Variants in FBH1 observed in about 807,000 individuals in gnomAD.
The protein encoded by FBH1 is F-box DNA helicase 1.
In FBH1, 43 loss-of-function variants were observed where a neutral mutation model predicts 115.5. The ratio of observed to expected loss-of-function variants is 0.37; its 90% CI spans 0.29 to 0.48. FBH1 has a LOEUF of 0.48. FBH1 is among the 20% of genes least tolerant of loss of function. The pLI, the probability that FBH1 is intolerant of heterozygous loss-of-function variation, is 0.99. For synonymous variants in FBH1, 524 were observed against 507.8 expected, an observed-to-expected ratio of 1.03 and a Z score of -0.43; for missense variants, 1,001 against 1,337.3, an observed-to-expected ratio of 0.75 and a Z score of 3.92.
chr10:5,926,183 C>T (rs916376977), intron 18 of FBH1, among the ~76,000 whole-genome samples: 7 of 152,132 alleles, frequency 4.6e-5, no homozygotes, highest in African/African-American at 1.4e-4. Flanking sequence ...TGCAGTGGCA[C>T]GATCTCGGCT....
chr10:5,915,263 C>G lies in FBH1; in HGVS notation c.1397-140C>G, dbSNP rs1406763000. 1.2e-6 allele frequency: 1 copy of G among 844,752 alleles called. No individual in the cohort carries two copies. Among genetic ancestry groups the G allele is most frequent in the African/African-American group, 1.7e-5 (1 of 57,436 alleles). 52.3% of individuals were successfully genotyped at this position (844,752 alleles called of 1,614,324 possible). On this transcript the variant is annotated intron_variant, in intron 8 of 20. Coordinates refer to ENST00000362091, the MANE Select transcript of FBH1 (RefSeq NM_178150.3). This position sits in a 1 kb window ranked among gnomAD's most constrained non-coding sequence, Gnocchi z 5.2. ...ATCTGCTGCTCTTTTGGTGGCACTA[C>G]TTTTACCAGCACTGAAAAACTTGTT...
chr10:5,894,168 G>T (rs1353280502), intron 1 of FBH1: 1 of 985,300 alleles, frequency 1.0e-6, no homozygotes, highest in Non-Finnish European at 1.2e-6. Flanking sequence ...ACCTGGGAAA[G>T]GAGCTGGAGC....
chr10:5,915,947 AG>A lies in FBH1; in HGVS notation c.1566-284del. 2.1e-6 allele frequency: 1 copy of A among 487,446 alleles called. No homozygotes were observed. The highest frequency in any genetic ancestry group is 3.8e-5 in the East Asian group (1 of 26,540). 30.2% of individuals were successfully genotyped at this position (487,446 alleles called of 1,614,324 possible). A position where few individuals can be genotyped will look rare whatever the true frequency, so the allele number is the denominator to read the frequency against. On this transcript the variant is annotated intron_variant, in intron 9 of 20. Coordinates refer to ENST00000362091, the MANE Select transcript of FBH1 (RefSeq NM_178150.3). This position sits in a 1 kb window ranked among gnomAD's most constrained non-coding sequence, Gnocchi z 5.2. Reference sequence around the variant, plus strand: ...CAGGTCTCCTGGATGTAGAGGCATCAGGGAACTCCAAGGGTCCCTCCGGGGA... The same window carrying A: ...CAGGTCTCCTGGATGTAGAGGCATCAGGAACTCCAAGGGTCCCTCCGGGGA...
chr10:5,896,697 A>C (rs1383467610), intron 1 of FBH1, among the ~76,000 whole-genome samples: 1 of 152,078 alleles, frequency 6.6e-6, no homozygotes, highest in Non-Finnish European at 1.5e-5. Flanking sequence ...AAAGCCCCGT[A>C]AGTGATTCTA....
At chr10:5,912,712 G>A (rs1386249056) in intron 6 of FBH1, among the ~76,000 whole-genome samples, 2 of 152,206 alleles carry the variant, frequency 1.3e-5, no homozygotes, top group Non-Finnish European at 2.9e-5. Flanking sequence ...GAACACTGGC[G>A]TCTCCTCTTA....
At chr10:5,894,986 T>C in intron 1 of FBH1, 1 of 1,551,356 alleles carries the variant, frequency 6.4e-7, no homozygotes, top group South Asian at 1.2e-5. Flanking sequence ...CTTGAGTGAA[T>C]ACTTTTATGG....
chr10:5,895,001 G>A lies in FBH1; in HGVS notation c.1+4655G>A, dbSNP rs1002037727. The stretch of plus-strand genomic sequence containing the variant: ...CTTGAGTGAATACTTTTATGGTGCT[G>A]GAGTTGAGAGATAACACAGTTAACT... On this transcript the variant is annotated intron_variant, in intron 1 of 20. Transcript: ENST00000362091. This position sits in a 1 kb window ranked among gnomAD's most constrained non-coding sequence, Gnocchi z 5.0. 3.8e-6 allele frequency: 6 copies of A among 1,582,278 alleles called. No individual in the cohort carries two copies. In the African/African-American group the frequency reaches 5.4e-5, roughly 14 times the overall value.
chr10:5,896,535 T>C (rs1179682683), intron 1 of FBH1, among the ~76,000 whole-genome samples: 2 of 152,198 alleles, frequency 1.3e-5, no homozygotes, highest in South Asian at 2.1e-4. Context: ...ATGGTTTGTG[T>C]ACATTCTGGT....
chr10:5,905,102 G>C (rs1435004520), intron 2 of FBH1: 6 of 152,200 alleles, frequency 3.9e-5, no homozygotes, highest in Non-Finnish European at 8.8e-5. Flanking sequence ...TTGGTGCTTA[G>C]TAAATGTTCA....
rs558605049 is a variant in FBH1, at chr10:5,897,110, C to T, written c.2-5910C>T. 6.6e-6 allele frequency among the ~76,000 whole-genome samples: 1 copy of T among 152,210 alleles called. No homozygotes were observed. Among genetic ancestry groups the T allele is most frequent in the East Asian group, 1.9e-4 (1 of 5,180 alleles). On this transcript the variant is annotated intron_variant, in intron 1 of 20. Transcript: ENST00000362091. This position sits in a 1 kb window ranked among gnomAD's most constrained non-coding sequence, Gnocchi z 4.7. Reference sequence around the variant, plus strand: ...GAGACCCTCAGATTGGTGTGGTAGTCACATATTTCTTCTGACGTTTCTGTT... The same window carrying T: ...GAGACCCTCAGATTGGTGTGGTAGTTACATATTTCTTCTGACGTTTCTGTT...
rs1391474491 is a variant in FBH1, at chr10:5,914,523, C to T, written c.1396+254C>T. On this transcript the variant is annotated intron_variant, in intron 8 of 20. Coordinates refer to ENST00000362091, the MANE Select transcript of FBH1 (RefSeq NM_178150.3). The surrounding 1 kb of genome is among the most constrained non-coding windows in gnomAD (Gnocchi z 5.2). ...AGTTAGTTGGTCGGGCAGATGCCCC[C>T]GGGATTGAGCCCAGCATTGTGATGT... Among the ~76,000 whole-genome samples, 1 of 152,196 alleles carries T rather than the reference C, an allele frequency of 6.6e-6. No individual in the cohort carries two copies. The highest frequency in any genetic ancestry group is 1.5e-5 in the Non-Finnish European group (1 of 68,034).
chr10:5,932,278 C>G lies in FBH1; in HGVS notation c.2830-4178C>G, dbSNP rs1354223163. Among the ~76,000 whole-genome samples the G allele has an allele frequency of 2.0e-5, 3 of 152,206 alleles. No homozygotes were observed. The highest frequency in any genetic ancestry group is 4.4e-5 in the Non-Finnish European group (3 of 68,042). Reference sequence around the variant, plus strand: ...ATTAATCCTTCAGTATTTCTTTATGCAAGTATTAGCAAATTCGTAGGTATT... The same window carrying G: ...ATTAATCCTTCAGTATTTCTTTATGGAAGTATTAGCAAATTCGTAGGTATT... On this transcript the variant is annotated intron_variant, in intron 19 of 20. Coordinates refer to ENST00000362091, the MANE Select transcript of FBH1 (RefSeq NM_178150.3). This position sits in a 1 kb window ranked among gnomAD's most constrained non-coding sequence, Gnocchi z 5.9.
At position 5,909,403 on chromosome 10, in the gene FBH1, A is replaced by G; in HGVS notation, c.1020+109A>G. 7.8e-7 allele frequency: 1 copy of G among 1,276,142 alleles called. No individual in the cohort carries two copies. Among genetic ancestry groups the G allele is most frequent in the South Asian group, 1.5e-5 (1 of 66,108 alleles). The allele number at this position is 1,276,142 out of a possible 1,614,324, so 79.1% of individuals were successfully genotyped here. The stretch of plus-strand genomic sequence containing the variant: ...CTTTATATTTATTTTTAATGTCTGT[A>G]TTTAATCTCTGAATGCTTTGAAGCA... On this transcript the variant is annotated intron_variant, in intron 5 of 20. Coordinates refer to ENST00000362091, the MANE Select transcript of FBH1 (RefSeq NM_178150.3). This position sits in a 1 kb window ranked among gnomAD's most constrained non-coding sequence, Gnocchi z 4.4.
chr10:5,892,367 AT>A (rs1842784032), intron 1 of FBH1, among the ~76,000 whole-genome samples: 1 of 152,130 alleles, frequency 6.6e-6, no homozygotes, highest in Non-Finnish European at 1.5e-5. Flanking sequence ...AGACACCACT[AT>A]TGGTATTAGA....
chr10:5,890,777 C>T (rs1190770313), intron 1 of FBH1, among the ~76,000 whole-genome samples: 1 of 151,954 alleles, frequency 6.6e-6, no homozygotes, highest in Admixed American at 6.6e-5. Flanking sequence ...CTTCTCTGCC[C>T]CTCCTCTGAG....
rs1330997656 is a variant in FBH1, at chr10:5,932,061, C to T, written c.2830-4395C>T. 6.6e-6 allele frequency among the ~76,000 whole-genome samples: 1 copy of T among 152,172 alleles called. No homozygotes were observed. The highest frequency in any genetic ancestry group is 2.4e-5 in the African/African-American group (1 of 41,440). ...ACTTAGGAGGCTGAGGTGGGAGAAT[C>T]GCGTGAACCCAGGAGGCGGAGATTG... is the stretch of plus-strand genomic sequence containing the variant. On this transcript the variant is annotated intron_variant, in intron 19 of 20. Transcript: ENST00000362091. The surrounding 1 kb of genome is among the most constrained non-coding windows in gnomAD (Gnocchi z 5.9).
chr10:5,936,233 A>C lies in FBH1; in HGVS notation c.2830-223A>C. On this transcript the variant is annotated intron_variant, in intron 19 of 20. Transcript: ENST00000362091. The surrounding 1 kb of genome is among the most constrained non-coding windows in gnomAD (Gnocchi z 5.6). ...AGTTTTGCATGTTTATCTGTTAAAT[A>C]TATATATATTTAAAAAGCAATTGGA... 2.9e-6 allele frequency: 1 copy of C among 348,006 alleles called. No homozygotes were observed. Among genetic ancestry groups the C allele is most frequent in the Non-Finnish European group, 5.5e-6 (1 of 182,454 alleles). 21.6% of individuals were successfully genotyped at this position (348,006 alleles called of 1,614,324 possible).
At position 5,931,944 on chromosome 10, in the gene FBH1, G is replaced by C. The variant is rs1042320213; in HGVS notation, c.2829+4403G>C. On this transcript the variant is annotated intron_variant, in intron 19 of 20. Coordinates refer to ENST00000362091, the MANE Select transcript of FBH1 (RefSeq NM_178150.3). This position sits in a 1 kb window ranked among gnomAD's most constrained non-coding sequence, Gnocchi z 4.3. Reference sequence around the variant, plus strand: ...AGGTCACTTTAAGTCAGGAGTTAGAGATCAGCCTGGCCAACATGGCAAAAC... The same window carrying C: ...AGGTCACTTTAAGTCAGGAGTTAGACATCAGCCTGGCCAACATGGCAAAAC... Among the ~76,000 whole-genome samples the C allele has an allele frequency of 7.9e-5, 12 of 152,192 alleles. No homozygotes were observed. Among genetic ancestry groups the C allele is most frequent in the Non-Finnish European group, 1.8e-4 (12 of 68,026 alleles).
intron 1 of FBH1, among the ~76,000 whole-genome samples, chr10:5,891,698 C>T (rs1463038221): frequency 6.6e-6 from 1 of 152,198 alleles, no homozygotes; most frequent in Non-Finnish European, 1.5e-5. Flanking sequence ...CAACCTCCCC[C>T]TCCCGGGTTC....
Sources: allele counts gnomAD v4.1 joint callset (sites outside exome capture counted in the v4.1 genomes callset), GRCh38; gene constraint gnomAD v4.1.1; non-coding constraint Gnocchi (gnomAD v3.1); transcripts MANE v1.5; gene names NCBI Gene and HGNC (gene_info 2026-07-23, HGNC 2026-07-21).